The following USH2A variants were observed in gnomAD, a reference collection of about 807,000 sequenced individuals.
USH2A encodes the protein usherin.
In USH2A, 443 loss-of-function variants were observed where a neutral mutation model predicts 538.9. The observed-to-expected ratio is 0.82, with a 90% CI of 0.76 to 0.89. The LOEUF (loss-of-function observed/expected upper bound fraction) is 0.89, where lower values mean the gene tolerates loss of function less well. Among genes scored for constraint, USH2A ranks in the 40% least tolerant of loss-of-function variants. USH2A has a pLI of 0.00. For missense variants in USH2A, 6,633 were observed against 6,324.8 expected (o/e 1.05, Z -1.65); for synonymous variants, 2,413 against 2,273.5 (o/e 1.06, Z -1.75).
chr1:215,715,950 A>G (rs1425883185), intron 61 of USH2A, among the ~76,000 whole-genome samples: 1 of 152,196 alleles, frequency 6.6e-6, no homozygotes, highest in African/African-American at 2.4e-5. Flanking sequence ...TGCACCCTTC[A>G]GGTCTTCCTC....
chr1:215,931,897 G>A (rs1666373270), intron 38 of USH2A, among the ~76,000 whole-genome samples: 1 of 151,972 alleles, frequency 6.6e-6, no homozygotes, highest in South Asian at 2.1e-4. Context: ...GCCTCTGTTG[G>A]CAAAACATGA....
At chr1:215,752,769 C>A (rs1340557003) in intron 58 of USH2A, among the ~76,000 whole-genome samples, 1 of 152,110 alleles carries the variant, frequency 6.6e-6, no homozygotes, top group Non-Finnish European at 1.5e-5. Context: ...CTTGCCCATA[C>A]CTATGTCCTG....
intron 11 of USH2A, among the ~76,000 whole-genome samples, chr1:216,258,711 C>A (rs1446852659): frequency 6.6e-6 from 1 of 152,120 alleles, no homozygotes; most frequent in African/African-American, 2.4e-5. Flanking sequence ...ACATTGTCCT[C>A]ATTGCCTGAT....
intron 32 of USH2A, among the ~76,000 whole-genome samples, chr1:216,007,746 C>G (rs1668442008): frequency 6.6e-6 from 1 of 152,232 alleles, no homozygotes; most frequent in South Asian, 2.1e-4. Context: ...AAGAAAGCAT[C>G]CTGGGTGGCC....
At chr1:215,762,964 T>C (rs572494667) in intron 56 of USH2A, among the ~76,000 whole-genome samples, 51 of 152,308 alleles carry the variant, frequency 3.3e-4, no homozygotes, top group Middle Eastern at 3.4e-3. Flanking sequence ...GCATGCCATA[T>C]TACCCACTTC....
chr1:215,632,167 A>G (rs1260013944), intron 70 of USH2A, among the ~76,000 whole-genome samples: 1 of 151,998 alleles, frequency 6.6e-6, no homozygotes, highest in Non-Finnish European at 1.5e-5. Context: ...GGTTCACACC[A>G]TTCTCCTGCC....
chr1:216,396,421 T>A (rs762495662), intron 3 of USH2A, among the ~76,000 whole-genome samples: 65 of 152,174 alleles, frequency 4.3e-4, no homozygotes, highest in Non-Finnish European at 6.9e-4. Flanking sequence ...TTATGCTCAG[T>A]TACACTAGTG....
rs573680029 is a variant in USH2A at position 215,899,028 on chromosome 1, A to G, written c.7594+1047T>C. On this transcript the variant is annotated intron_variant, in intron 40 of 71. Coordinates refer to ENST00000307340, the MANE Select transcript of USH2A (RefSeq NM_206933.4). ...AAGTAACATACATTATTGCTCATAAAGGTGGCTTTTTTTTGTAAAAATAAA... is the reference window on the plus strand; with the variant it reads ...AAGTAACATACATTATTGCTCATAAGGGTGGCTTTTTTTTGTAAAAATAAA... 1.1e-4 allele frequency among the ~76,000 whole-genome samples: 16 copies of G among 152,336 alleles called. No homozygotes were observed. In the East Asian group the frequency reaches 2.9e-3, roughly 28 times the overall value.
At chr1:216,014,319 G>C (rs899738107) in intron 32 of USH2A, among the ~76,000 whole-genome samples, 1 of 152,172 alleles carries the variant, frequency 6.6e-6, no homozygotes, top group Admixed American at 6.5e-5. Flanking sequence ...ATGAAAAAAA[G>C]ATTGGTTACA....
At chr1:216,057,627 C>T (rs1391296358) in intron 30 of USH2A, among the ~76,000 whole-genome samples, 3 of 152,054 alleles carry the variant, frequency 2.0e-5, no homozygotes, top group African/African-American at 7.2e-5. Flanking sequence ...GCGCAGGTTG[C>T]AGTGAGCTGA....
intron 30 of USH2A, among the ~76,000 whole-genome samples, chr1:216,061,919 C>G (rs1214842762): frequency 6.6e-6 from 1 of 152,174 alleles, no homozygotes; most frequent in Non-Finnish European, 1.5e-5. Context: ...CTAATGCAAA[C>G]TTACCCCACT....
intron 38 of USH2A, among the ~76,000 whole-genome samples, chr1:215,902,350 T>C (rs999619692): frequency 1.2e-4 from 19 of 152,312 alleles, no homozygotes; most frequent in African/African-American, 3.8e-4. Context: ...TTAGATTACA[T>C]GTTTCATCAA....
intron 62 of USH2A, among the ~76,000 whole-genome samples, chr1:215,677,289 G>A (rs1410416449): frequency 6.6e-6 from 1 of 152,046 alleles, no homozygotes; most frequent in Non-Finnish European, 1.5e-5. Context: ...CACTACTGCC[G>A]TTATTCTCAT....
At chr1:216,089,276 T>C in intron 22 of USH2A, 137 bp from the exon 23 acceptor site, 2 of 964,594 alleles carry the variant, frequency 2.1e-6, no homozygotes, top group South Asian at 2.9e-5. Flanking sequence ...CAAACAGAAC[T>C]CAAAATTAAA....
At chr1:216,237,106 G>GAAT (rs1417288235) in intron 13 of USH2A, among the ~76,000 whole-genome samples, 1 of 152,072 alleles carries the variant, frequency 6.6e-6, no homozygotes, top group East Asian at 1.9e-4. Context: ...CCTGTCTCCT[G>GAAT]TGCCATTCCA....
chr1:216,158,650 A>G (rs537235299), intron 21 of USH2A, among the ~76,000 whole-genome samples: 2 of 152,286 alleles, frequency 1.3e-5, no homozygotes, highest in South Asian at 2.1e-4. Flanking sequence ...GTCTTGATAC[A>G]TAAGCCTTCC....
At chr1:216,305,395 G>A (rs1020949357) in intron 9 of USH2A, among the ~76,000 whole-genome samples, 3 of 152,068 alleles carry the variant, frequency 2.0e-5, no homozygotes, top group Non-Finnish European at 2.9e-5. Flanking sequence ...TTAAGTTTAT[G>A]TGAGTCCTTA....
At chr1:216,185,889 T>G (rs77873010) in intron 20 of USH2A, among the ~76,000 whole-genome samples, 1,826 of 152,018 alleles carry the variant, frequency 0.012, 31 homozygotes, top group African/African-American at 0.041. Context: ...TTTATAATTT[T>G]TTCCTGGTAT....
intron 40 of USH2A, 87 bp from the exon 41 acceptor site, chr1:215,889,141 C>A: frequency 2.0e-6 from 3 of 1,497,610 alleles, no homozygotes; most frequent in Non-Finnish European, 2.7e-6. Flanking sequence ...AGCTCTGCTA[C>A]AAGGATATGA....
Sources: gnomAD v4.1 joint callset for allele counts (sites outside exome capture counted in the v4.1 genomes callset) on GRCh38, gnomAD v4.1.1 for gene constraint, MANE v1.5 for transcripts, NCBI Gene and HGNC (gene_info 2026-07-23, HGNC 2026-07-21) for gene names.